Variants in MOCOS observed in about 807,000 individuals in gnomAD.
The protein encoded by MOCOS is human molybdenum cofactor sulfurase.
In MOCOS, 86 loss-of-function variants were observed where a neutral mutation model predicts 83.6. That is an observed-to-expected ratio of 1.03 (90% CI 0.86 to 1.23). The LOEUF (loss-of-function observed/expected upper bound fraction) is 1.23. MOCOS is among the 50% of genes most tolerant of loss of function. The pLI, the probability that MOCOS is intolerant of heterozygous loss-of-function variation, is 0.00. For missense variants in MOCOS, 1,120 were observed against 1,126.9 expected, an observed-to-expected ratio of 0.99 and a Z score of 0.09; for synonymous variants, 445 against 434.7, an observed-to-expected ratio of 1.02 and a Z score of -0.29.
rs2091700701 is a variant in MOCOS, at chr18:36,271,994, A to G, written c.*3309A>G. 6.6e-6 allele frequency: 1 copy of G among 152,264 alleles called. No individual in the cohort carries two copies. Among genetic ancestry groups the G allele is most frequent in the African/African-American group, 2.4e-5 (1 of 41,468 alleles). 9.4% of individuals were successfully genotyped at this position (152,264 alleles called of 1,614,324 possible). A position where few individuals can be genotyped will look rare whatever the true frequency, so the allele number is the denominator to read the frequency against. ...AACCAACATTTATAGATCTCACTAT[A>G]GAGGCATCACTAATTGGGGAAAGAC... On this transcript the variant is annotated 3_prime_UTR_variant, in exon 15 of 15. Transcript: ENST00000261326.
chr18:36,264,036 G>A (rs934767284), intron 13 of MOCOS, among the ~76,000 whole-genome samples: 4 of 151,996 alleles, frequency 2.6e-5, no homozygotes, highest in Admixed American at 1.3e-4. Context: ...TTAGGTGGGC[G>A]TGGTGGCTGG....
intron 9 of MOCOS, among the ~76,000 whole-genome samples, chr18:36,237,748 A>G (rs1020733634): frequency 1.3e-5 from 2 of 151,684 alleles, no homozygotes; most frequent in Non-Finnish European, 2.9e-5. Context: ...TTCGGCTGTG[A>G]ATCCATCTGG....
chr18:36,191,379 C>A (rs566881606), intron 1 of MOCOS, among the ~76,000 whole-genome samples: 107 of 152,366 alleles, frequency 7.0e-4, no homozygotes, highest in African/African-American at 2.6e-3. Context: ...ACTGTGTCTA[C>A]CTCAGAGTCA....
chr18:36,250,008 C>T (rs2091616055), intron 10 of MOCOS, among the ~76,000 whole-genome samples: 1 of 152,084 alleles, frequency 6.6e-6, no homozygotes, highest in Admixed American at 6.5e-5. Flanking sequence ...GTTTCTAAGT[C>T]TTTTTATTGA....
rs138258140 is a variant in MOCOS at position 36,234,754 on chromosome 18, C to A, written c.1961-14168C>A. Among the ~76,000 whole-genome samples, 954 of 152,208 alleles carry A rather than the reference C, an allele frequency of 6.3e-3. 17 individuals are homozygous for A. The highest frequency in any genetic ancestry group is 0.022 in the African/African-American group (902 of 41,522). On this transcript the variant is annotated intron_variant, in intron 9 of 14. Coordinates refer to ENST00000261326, the MANE Select transcript of MOCOS (RefSeq NM_017947.4). ...GGGTAATTTATAAAGGAAAGAGGTT[C>A]AATTGACTCACAGTTTTAAATGGCC...
chr18:36,213,952 AAAG>A lies in MOCOS; in HGVS notation c.1335+477_1335+479del, dbSNP rs376112602. The stretch of plus-strand genomic sequence containing the variant: ...TCCCCCTCCAACCAAAGAAAAAAAA[AAAG>A]AAGAAGCCGGGCACGGTGGCTCATG... On this transcript the variant is annotated intron_variant, in intron 7 of 14. Coordinates refer to ENST00000261326, the MANE Select transcript of MOCOS (RefSeq NM_017947.4). Among the ~76,000 whole-genome samples the A allele has an allele frequency of 3.3e-3, 457 of 139,934 alleles. 10 individuals are homozygous for A. The South Asian group carries it at 0.046, about 14-fold the overall frequency. 91.8% of individuals were successfully genotyped at this position (139,934 alleles called of 152,430 possible). A position where few individuals can be genotyped will look rare whatever the true frequency, so the allele number is the denominator to read the frequency against.
At position 36,234,426 on chromosome 18, in the gene MOCOS, A is replaced by T. The variant is rs146461132; in HGVS notation, c.1960+14209A>T. On this transcript the variant is annotated intron_variant, in intron 9 of 14. Transcript: ENST00000261326. ...ATACCAGTGCCATGCTGTTTTGGTA[A>T]CAGTAGCCTTGTATTATAGTTTGAA... 1.7e-3 allele frequency among the ~76,000 whole-genome samples: 264 copies of T among 152,300 alleles called. 2 individuals are homozygous for T. The highest frequency in any genetic ancestry group is 6.0e-3 in the African/African-American group (249 of 41,568).
intron 4 of MOCOS, among the ~76,000 whole-genome samples, chr18:36,201,818 T>C (rs1056348414): frequency 6.6e-6 from 1 of 152,202 alleles, no homozygotes; most frequent in African/African-American, 2.4e-5. Flanking sequence ...GGAATGCTCA[T>C]GTAAAACCTC....
intron 6 of MOCOS, 64 bp downstream of exon 6, chr18:36,205,340 G>T: frequency 1.3e-6 from 2 of 1,536,006 alleles, no homozygotes; most frequent in Non-Finnish European, 1.8e-6. Context: ...CGAGAGCAAT[G>T]TAGTGTGACA....
intron 9 of MOCOS, among the ~76,000 whole-genome samples, chr18:36,235,628 G>A (rs1395615663): frequency 6.7e-6 from 1 of 148,398 alleles, no homozygotes; most frequent in East Asian, 2.0e-4. Context: ...ATGATTTATA[G>A]TCCTTTGGGT....
chr18:36,266,842 C>T lies in MOCOS; in HGVS notation c.2503C>T (p.Arg835Cys), dbSNP rs748233633. 22 of 1,613,708 alleles carry T rather than the reference C, an allele frequency of 1.4e-5. No individual in the cohort carries two copies. Among genetic ancestry groups the T allele is most frequent in the Middle Eastern group, 3.3e-4 (2 of 6,060 alleles). ...TGTTTTCCAAAAACTTTCTGAGAGTCGTGAAACAAAGGTAAGCGTGATTGC... is the reference window on the plus strand; with the variant it reads ...TGTTTTCCAAAAACTTTCTGAGAGTTGTGAAACAAAGGTAAGCGTGATTGC... ...QHVFQKLSESRETKVNFGMYL... is the reference protein window; with the variant it reads ...QHVFQKLSESCETKVNFGMYL... The change falls in exon 14 of 15, where the codon CGT (arginine) becomes TGT (cysteine). Residue 835 changes from arginine (R) to cysteine (C), a missense_variant. Transcript: ENST00000261326.
At chr18:36,260,975 G>A (rs563469877) in intron 13 of MOCOS, among the ~76,000 whole-genome samples, 4 of 152,004 alleles carry the variant, frequency 2.6e-5, no homozygotes, top group South Asian at 4.2e-4. Flanking sequence ...CTGACCTGCC[G>A]CAGGGTCACG....
chr18:36,211,325 T>G (rs2091454793), intron 6 of MOCOS, among the ~76,000 whole-genome samples: 1 of 151,330 alleles, frequency 6.6e-6, no homozygotes, highest in African/African-American at 2.5e-5. Context: ...TGCATGGTGA[T>G]TAAGAGCAGG....
chr18:36,188,732 A>G (rs916760400), intron 1 of MOCOS, among the ~76,000 whole-genome samples: 3 of 147,072 alleles, frequency 2.0e-5, no homozygotes, highest in Non-Finnish European at 3.0e-5. Flanking sequence ...TGTGGAGGGT[A>G]ACTGTGTTTT....
chr18:36,247,354 T>G (rs763069458), intron 9 of MOCOS, among the ~76,000 whole-genome samples: 3 of 152,226 alleles, frequency 2.0e-5, no homozygotes, highest in Non-Finnish European at 4.4e-5. Context: ...CTGCAGCTTC[T>G]ACGCTTGTAT....
In MOCOS at chr18:36,215,809, C is replaced by G. The variant is rs138424306; in HGVS notation, c.1629C>G (p.Asn543Lys). ...CCCTCACAGGCTCCAGGGTTTGGAA[C>G]AACTCGTCTACTGTGAATGCTGTGC... The part of the protein sequence containing the change: ...EDALTGSRVW[N>K]NSSTVNAVPV... Residue 543 changes from asparagine (N) to lysine (K), a missense_variant, in exon 8 of 15, where the codon AAC (asparagine) becomes AAG (lysine). Coordinates refer to ENST00000261326, the MANE Select transcript of MOCOS (RefSeq NM_017947.4). 3.4e-5 allele frequency: 55 copies of G among 1,614,114 alleles called. No homozygotes were observed. Among genetic ancestry groups the G allele is most frequent in the Non-Finnish European group, 4.6e-5 (54 of 1,180,048 alleles).
At position 36,220,080 on chromosome 18, in the gene MOCOS, A is replaced by G; in HGVS notation, c.1823A>G (p.Gln608Arg). 1 of 1,613,474 alleles carries G rather than the reference A, an allele frequency of 6.2e-7. No individual in the cohort carries two copies. Among genetic ancestry groups the G allele is most frequent in the Middle Eastern group, 1.8e-4 (1 of 5,490 alleles). The change falls in exon 9 of 15, where the codon CAA becomes CGA. Residue 608 changes from glutamine to arginine, a missense_variant. By Grantham distance (43) the Gln-to-Arg change is conservative. Coordinates refer to ENST00000261326, the MANE Select transcript of MOCOS (RefSeq NM_017947.4). ...GTGACCAGGTGGCCTGTAGGAAACCAAGGGCTGCTATATGACCGGAGCTGG... is the reference window on the plus strand; with the variant it reads ...GTGACCAGGTGGCCTGTAGGAAACCGAGGGCTGCTATATGACCGGAGCTGG... The part of the protein sequence containing the change: ...FEVTRWPVGN[Q>R]GLLYDRSWMV...
intron 2 of MOCOS, among the ~76,000 whole-genome samples, chr18:36,196,182 T>A (rs1165087465): frequency 6.6e-6 from 1 of 152,222 alleles, no homozygotes; most frequent in Non-Finnish European, 1.5e-5. Flanking sequence ...ATCAGTGGCA[T>A]TTATTTGCAG....
At chr18:36,237,676 T>C (rs1046708954) in intron 9 of MOCOS, among the ~76,000 whole-genome samples, 1 of 152,150 alleles carries the variant, frequency 6.6e-6, no homozygotes, top group Non-Finnish European at 1.5e-5. Context: ...TCCCTCTTTT[T>C]CTATTGATTG....
Sources: gnomAD v4.1 joint callset for allele counts (sites outside exome capture counted in the v4.1 genomes callset) on GRCh38, gnomAD v4.1.1 for gene constraint, MANE v1.5 for transcripts, NCBI Gene and HGNC (gene_info 2026-07-23, HGNC 2026-07-21) for gene names.